Variants in PRKAA2 observed in about 807,000 individuals in gnomAD.
PRKAA2 encodes protein kinase AMP-activated catalytic subunit alpha 2.
In PRKAA2, 40 loss-of-function variants were observed where a neutral mutation model predicts 56.3. That is an observed-to-expected ratio of 0.71 (90% CI 0.55 to 0.92). The LOEUF is 0.92. Ranked by LOEUF, PRKAA2 falls within the 40% of genes least tolerant of loss-of-function variation. PRKAA2 has a pLI of 0.00. For synonymous variants in PRKAA2, 214 were observed against 234.2 expected (o/e 0.91, Z 0.79); for missense variants, 542 against 686.9 (o/e 0.79, Z 2.36).
At chr1:56,679,019 A>G (rs926081925) in intron 2 of PRKAA2, among the ~76,000 whole-genome samples, 4 of 152,084 alleles carry the variant, frequency 2.6e-5, no homozygotes, top group African/African-American at 4.8e-5. Context: ...TATCTTATTT[A>G]ACCTATGGCC....
Position 56,691,339 on chromosome 1 carries a change from T to G in PRKAA2, c.237-55T>G. The G allele has an allele frequency of 3.1e-6, 4 of 1,298,250 alleles. No homozygotes were observed. The South Asian group carries it at 5.0e-5, about 16-fold the overall frequency. 80.4% of individuals were successfully genotyped at this position (1,298,250 alleles called of 1,614,324 possible). A position where few individuals can be genotyped will look rare whatever the true frequency, so the allele number is the denominator to read the frequency against. ...ATTGTAGCAAGAGTAGATATACCAG[T>G]TTGATTTTGGTTAAAGTAACATACT... On this transcript the variant is annotated intron_variant, in intron 2 of 8. Transcript: ENST00000371244.
chr1:56,668,548 G>A (rs1274700066), intron 1 of PRKAA2, among the ~76,000 whole-genome samples: 2 of 151,902 alleles, frequency 1.3e-5, no homozygotes, highest in African/African-American at 2.4e-5. Flanking sequence ...TATTTCCATA[G>A]CCTTTACATT....
At chr1:56,657,373 A>C (rs1643952837) in intron 1 of PRKAA2, among the ~76,000 whole-genome samples, 1 of 152,172 alleles carries the variant, frequency 6.6e-6, no homozygotes, top group Admixed American at 6.5e-5. Context: ...GCCCAGCAAA[A>C]ATGTTCTTCA....
chr1:56,674,272 T>A, intron 1 of PRKAA2, 109 bp from the exon 2 acceptor site: 3 of 894,372 alleles, frequency 3.4e-6, no homozygotes, highest in Non-Finnish European at 3.2e-6. Context: ...ACAAGGGATA[T>A]AAAGATGGTA....
intron 1 of PRKAA2, among the ~76,000 whole-genome samples, chr1:56,661,900 T>A (rs1447475940): frequency 0.071 from 3 of 42 alleles, no homozygotes; most frequent in Non-Finnish European, 0.1. Context: ...ACCACAGGTG[T>A]TTTTTTTTCA....
chr1:56,700,038 T>C (rs145814824), intron 6 of PRKAA2, among the ~76,000 whole-genome samples: 1 of 152,250 alleles, frequency 6.6e-6, no homozygotes, highest in African/African-American at 2.4e-5. Context: ...TTATGACTAC[T>C]GTTTCCATGA....
intron 2 of PRKAA2, among the ~76,000 whole-genome samples, chr1:56,678,445 G>T (rs116677022): frequency 6.6e-6 from 1 of 151,984 alleles, no homozygotes; most frequent in African/African-American, 2.4e-5. Context: ...AAGAATGAAG[G>T]ATATTTATTG....
chr1:56,703,122 A>T (rs1283148019), intron 6 of PRKAA2, among the ~76,000 whole-genome samples: 1 of 152,172 alleles, frequency 6.6e-6, no homozygotes, highest in African/African-American at 2.4e-5. Context: ...AACAATAGTA[A>T]CATCAAGCAC....
chr1:56,649,293 A>G (rs1646668543), intron 1 of PRKAA2, among the ~76,000 whole-genome samples: 1 of 152,244 alleles, frequency 6.6e-6, no homozygotes, highest in Non-Finnish European at 1.5e-5. Context: ...TTGTCTCAGC[A>G]GTTTTTGTTG....
At chr1:56,658,604 T>TTTTGTTTG (rs534886858) in intron 1 of PRKAA2, among the ~76,000 whole-genome samples, 1 of 142,018 alleles carries the variant, frequency 7.0e-6, no homozygotes, top group Non-Finnish European at 1.5e-5. Flanking sequence ...CCCCGCCATT[T>TTTTGTTTG]TTTGTTTGTT....
At chr1:56,705,057 A>AT (rs1255089307) in intron 7 of PRKAA2, among the ~76,000 whole-genome samples, 2 of 152,122 alleles carry the variant, frequency 1.3e-5, no homozygotes, top group African/African-American at 4.8e-5. Context: ...CTATTTGAAT[A>AT]TATGTGTGGG....
Position 56,710,294 on chromosome 1 carries a change from G to C in PRKAA2, c.*2581G>C, listed in dbSNP as rs570086546. On this transcript the variant is annotated 3_prime_UTR_variant, in exon 9 of 9. Coordinates refer to ENST00000371244, the MANE Select transcript of PRKAA2 (RefSeq NM_006252.4). Reference sequence around the variant, plus strand: ...TTTCCCAAAGTATATCCTGTGAGATGCTCCACAGAAAAAATGATTGCATGG... The same window carrying C: ...TTTCCCAAAGTATATCCTGTGAGATCCTCCACAGAAAAAATGATTGCATGG... The C allele has an allele frequency of 6.6e-6, 1 of 152,096 alleles. No individual in the cohort carries two copies. Among genetic ancestry groups the C allele is most frequent in the African/African-American group, 2.4e-5 (1 of 41,500 alleles). The allele number at this position is 152,096 out of a possible 1,614,324, so 9.4% of individuals were successfully genotyped here.
At chr1:56,652,191 G>A (rs1380495305) in intron 1 of PRKAA2, among the ~76,000 whole-genome samples, 2 of 151,464 alleles carry the variant, frequency 1.3e-5, no homozygotes, top group Admixed American at 6.6e-5. Flanking sequence ...TTTTTGTATT[G>A]TAGTAGAGAT....
intron 1 of PRKAA2, among the ~76,000 whole-genome samples, chr1:56,655,280 A>ATATATATATTTTTTTTTTTTTTTTTT: frequency 2.1e-5 from 2 of 93,650 alleles, no homozygotes; most frequent in African/African-American, 4.5e-5. Flanking sequence ...ATATATATAT[A>ATATATATATTTTTTTTTTTTTTTTTT]TTTTTTTTTT....
intron 6 of PRKAA2, among the ~76,000 whole-genome samples, chr1:56,701,455 G>C (rs888882301): frequency 6.6e-6 from 1 of 151,810 alleles, no homozygotes; most frequent in Non-Finnish European, 1.5e-5. Context: ...AACATTAATA[G>C]GTGCTTAATA....
At chr1:56,706,565 A>G (rs1644333717) in intron 8 of PRKAA2, among the ~76,000 whole-genome samples, 1 of 152,182 alleles carries the variant, frequency 6.6e-6, no homozygotes, top group African/African-American at 2.4e-5. Context: ...ATTAGTTAGT[A>G]TTATAGTGTC....
intron 2 of PRKAA2, among the ~76,000 whole-genome samples, chr1:56,687,503 G>A (rs1410977321): frequency 6.6e-6 from 1 of 152,138 alleles, no homozygotes; most frequent in Non-Finnish European, 1.5e-5. Flanking sequence ...CATTGGGTGA[G>A]AAGCAATGGG....
intron 6 of PRKAA2, among the ~76,000 whole-genome samples, chr1:56,703,433 T>G (rs1349286242): frequency 6.6e-6 from 1 of 152,220 alleles, no homozygotes; most frequent in East Asian, 1.9e-4. Flanking sequence ...TCATACCTTC[T>G]TCATTCAATC....
rs111301038 is a variant in PRKAA2, at chr1:56,708,877, A to T, written c.*1164A>T. 6.6e-6 allele frequency: 1 copy of T among 152,110 alleles called. No individual in the cohort carries two copies. The highest frequency in any genetic ancestry group is 1.5e-5 in the Non-Finnish European group (1 of 68,008). 9.4% of individuals were successfully genotyped at this position (152,110 alleles called of 1,614,324 possible). A position where few individuals can be genotyped will look rare whatever the true frequency, so the allele number is the denominator to read the frequency against. On this transcript the variant is annotated 3_prime_UTR_variant, in exon 9 of 9. Coordinates refer to ENST00000371244, the MANE Select transcript of PRKAA2 (RefSeq NM_006252.4). ...CTTTGAACATCAAGAAAAAATTTTTATCTTAAATAAATAAATATATATATT... is the reference window on the plus strand; with the variant it reads ...CTTTGAACATCAAGAAAAAATTTTTTTCTTAAATAAATAAATATATATATT...
Sources: gnomAD v4.1 joint callset for allele counts (sites outside exome capture counted in the v4.1 genomes callset) on GRCh38, gnomAD v4.1.1 for gene constraint, MANE v1.5 for transcripts, NCBI Gene and HGNC (gene_info 2026-07-23, HGNC 2026-07-21) for gene names.